ARFGEF1: variants seen among roughly 807,000 people sequenced by gnomAD.
ARFGEF1 encodes the protein ARF guanine nucleotide exchange factor 1.
In ARFGEF1, 42 loss-of-function variants were observed where a neutral mutation model predicts 231.0. The observed-to-expected ratio is 0.18, with a 90% CI of 0.14 to 0.24. ARFGEF1 has a LOEUF of 0.24. Among genes scored for constraint, ARFGEF1 ranks in the 10% least tolerant of loss-of-function variants. ARFGEF1 has a pLI of 1.00. For missense variants in ARFGEF1, 1,345 were observed against 2,192.0 expected (o/e 0.61, Z 7.72); for synonymous variants, 710 against 732.3 (o/e 0.97, Z 0.49).
In ARFGEF1 at chr8:67,203,238, T is replaced by C; in HGVS notation, c.4973A>G (p.Asp1658Gly). The C allele has an allele frequency of 6.2e-7, 1 of 1,613,800 alleles. No homozygotes were observed. The highest frequency in any genetic ancestry group is 8.5e-7 in the Non-Finnish European group (1 of 1,179,906). The change falls in exon 36 of 39, where the codon GAC (aspartate) becomes GGC (glycine). Residue 1658 changes from aspartate (D) to glycine (G), a missense_variant. By Grantham distance (94) the Asp-to-Gly change is moderately conservative (BLOSUM62 -1). Transcript: ENST00000262215. ...TTGAGTATCAACGCGAACATCAAAG[T>C]CCACCGCATCTCTCTTTGGAAAACA... is the stretch of plus-strand genomic sequence containing the variant. ...NLAAAQRDAV[D>G]FDVRVDTQDQ...
chr8:67,247,586 C>T (rs1382443232), intron 19 of ARFGEF1, among the ~76,000 whole-genome samples: 1 of 150,290 alleles, frequency 6.7e-6, no homozygotes, highest in Non-Finnish European at 1.5e-5. Context: ...AAGCCATATA[C>T]AACAGACCAC....
At chr8:67,307,407 A>C (rs894763495) in intron 1 of ARFGEF1, among the ~76,000 whole-genome samples, 2 of 152,234 alleles carry the variant, frequency 1.3e-5, no homozygotes, top group African/African-American at 4.8e-5. Flanking sequence ...TGTGTGTGCA[A>C]GCACTGTTCT....
chr8:67,278,208 G>T (rs933402755), intron 7 of ARFGEF1, among the ~76,000 whole-genome samples: 4 of 152,104 alleles, frequency 2.6e-5, no homozygotes, highest in Admixed American at 1.3e-4. Flanking sequence ...TAGTACGAGA[G>T]ACACATGCTG....
chr8:67,286,122 T>C (rs1441725091), intron 7 of ARFGEF1, among the ~76,000 whole-genome samples: 1 of 152,238 alleles, frequency 6.6e-6, no homozygotes, highest in African/African-American at 2.4e-5. Context: ...GAGAATGCTC[T>C]TATTGGAGAA....
chr8:67,218,208 ATATATATATAT>A lies in ARFGEF1; in HGVS notation c.4339-81_4339-71del, dbSNP rs1415494834. 32 of 81,160 alleles carry A rather than the reference ATATATATATAT, an allele frequency of 3.9e-4. 2 individuals are homozygous for A. The highest frequency in any genetic ancestry group is 6.7e-3 in the Middle Eastern group (1 of 150). 5.0% of individuals were successfully genotyped at this position (81,160 alleles called of 1,614,324 possible). A position where few individuals can be genotyped will look rare whatever the true frequency, so the allele number is the denominator to read the frequency against. Reference sequence around the variant, plus strand: ...ACTATGATTAAAAAAAAAAAAAAAAATATATATATATATATATATATATATAAATGTTTTCA... The same window carrying A: ...ACTATGATTAAAAAAAAAAAAAAAAAATATATATATATATAAATGTTTTCA... On this transcript the variant is annotated intron_variant, in intron 30 of 38. Coordinates refer to ENST00000262215, the MANE Select transcript of ARFGEF1 (RefSeq NM_006421.5).
chr8:67,330,053 T>C (rs1808027660), intron 1 of ARFGEF1, among the ~76,000 whole-genome samples: 1 of 151,998 alleles, frequency 6.6e-6, no homozygotes, highest in South Asian at 2.1e-4. Flanking sequence ...AGAAAAAGAT[T>C]AGCAAATCTT....
intron 22 of ARFGEF1, among the ~76,000 whole-genome samples, chr8:67,233,833 T>G (rs1158067501): frequency 6.6e-6 from 1 of 152,054 alleles, no homozygotes; most frequent in Non-Finnish European, 1.5e-5. Flanking sequence ...ATCCCTCAAC[T>G]ATCTAAAACT....
chr8:67,302,826 G>A (rs1265861894), intron 1 of ARFGEF1, among the ~76,000 whole-genome samples: 1 of 149,102 alleles, frequency 6.7e-6, no homozygotes, highest in Non-Finnish European at 1.5e-5. Context: ...TGTAATCCTA[G>A]TGCTTTGGGA....
At chr8:67,298,950 G>A (rs1338614834) in intron 4 of ARFGEF1, among the ~76,000 whole-genome samples, 36 of 151,974 alleles carry the variant, frequency 2.4e-4, no homozygotes, top group Admixed American at 6.6e-5. Flanking sequence ...GGTATTTTTA[G>A]TAGAGTATTT....
At chr8:67,300,874 A>G in intron 3 of ARFGEF1, among the ~76,000 whole-genome samples, 1 of 151,774 alleles carries the variant, frequency 6.6e-6, no homozygotes, top group East Asian at 1.9e-4. Context: ...AACAGCAGAC[A>G]CTTAGAAAAA....
chr8:67,321,700 T>A (rs1807605065), intron 1 of ARFGEF1, among the ~76,000 whole-genome samples: 1 of 152,114 alleles, frequency 6.6e-6, no homozygotes, highest in Non-Finnish European at 1.5e-5. Context: ...GACTTCGTGA[T>A]CCGCCCGCCT....
At chr8:67,317,414 A>C (rs35480743) in intron 1 of ARFGEF1, among the ~76,000 whole-genome samples, 1 of 151,760 alleles carries the variant, frequency 6.6e-6, no homozygotes, top group Non-Finnish European at 1.5e-5. Flanking sequence ...ATACGACTCA[A>C]CTCCAGAACC....
intron 5 of ARFGEF1, among the ~76,000 whole-genome samples, chr8:67,294,153 T>C (rs1441065604): frequency 1.3e-5 from 2 of 152,256 alleles, no homozygotes; most frequent in East Asian, 1.9e-4. Context: ...AATGTAGAGA[T>C]GATTTAAAGT....
intron 14 of ARFGEF1, among the ~76,000 whole-genome samples, chr8:67,262,336 A>C (rs1206821642): frequency 6.6e-6 from 1 of 151,974 alleles, no homozygotes; most frequent in Non-Finnish European, 1.5e-5. Context: ...ATGACACTGA[A>C]TTGCTGTAAC....
At chr8:67,186,493 A>G (rs577540056) in intron 5 of ARFGEF1, among the ~76,000 whole-genome samples, 9 of 152,080 alleles carry the variant, frequency 5.9e-5, no homozygotes, top group Admixed American at 2.6e-4. Context: ...AAAGTCTACC[A>G]CCCATTTATG....
Position 67,221,047 on chromosome 8 carries a change from G to A in ARFGEF1, c.4209-1487C>T, listed in dbSNP as rs562081078. Among the ~76,000 whole-genome samples the A allele has an allele frequency of 7.2e-5, 11 of 152,118 alleles. No homozygotes were observed. In the South Asian group the frequency reaches 2.3e-3, roughly 32 times the overall value. The stretch of plus-strand genomic sequence containing the variant: ...ATAATAGAGCTATAAAGTTCCAATT[G>A]TCTTGTGACATTGTAGTTGAGGCTT... On this transcript the variant is annotated intron_variant, in intron 29 of 38. Transcript: ENST00000262215.
intron 22 of ARFGEF1, among the ~76,000 whole-genome samples, chr8:67,235,821 AG>A (rs1839713354): frequency 6.6e-6 from 1 of 152,170 alleles, no homozygotes; most frequent in Non-Finnish European, 1.5e-5. Context: ...TAGAAAAAAA[AG>A]AATGCATATA....
chr8:67,271,987 T>A (rs1353205162), intron 9 of ARFGEF1, 51 bp from the exon 10 acceptor site: 1 of 1,126,348 alleles, frequency 8.9e-7, no homozygotes, highest in Non-Finnish European at 1.3e-6. Context: ...GGCATTATAG[T>A]AATAACAGGT....
At chr8:67,199,308 G>T in intron 38 of ARFGEF1, 1 of 489,330 alleles carries the variant, frequency 2.0e-6, no homozygotes, top group Non-Finnish European at 3.5e-6. Flanking sequence ...TCCTTATTTT[G>T]AAAAACATTT....
Sources: allele counts gnomAD v4.1 joint callset (sites outside exome capture counted in the v4.1 genomes callset), GRCh38; gene constraint gnomAD v4.1.1; transcripts MANE v1.5; gene names NCBI Gene and HGNC (gene_info 2026-07-23, HGNC 2026-07-21).